CNTLN: variants seen among roughly 807,000 people sequenced by gnomAD.
CNTLN encodes the protein centlein, centrosomal protein.
In CNTLN, 212 loss-of-function variants were observed where a neutral mutation model predicts 180.0. The observed-to-expected ratio is 1.18, with a 90% confidence interval of 1.05 to 1.32. CNTLN has a LOEUF of 1.32. CNTLN is among the 40% of genes most tolerant of loss of function. CNTLN has a pLI of 0.00. For missense variants in CNTLN, 2,095 were observed against 1,610.9 expected (o/e 1.30, Z -5.14); for synonymous variants, 722 against 563.1 (o/e 1.28, Z -3.99).
At chr9:17,295,365 G>A (rs146655771) in intron 6 of CNTLN, among the ~76,000 whole-genome samples, 11 of 152,200 alleles carry the variant, frequency 7.2e-5, no homozygotes, top group Non-Finnish European at 1.0e-4. Context: ...CCACGACTGC[G>A]AGGGCTGCCA....
intron 10 of CNTLN, among the ~76,000 whole-genome samples, chr9:17,338,538 G>A (rs1198265144): frequency 6.6e-6 from 1 of 151,172 alleles, no homozygotes; most frequent in Non-Finnish European, 1.5e-5. Flanking sequence ...CACTAATATT[G>A]TTTTCTAGTT....
intron 18 of CNTLN, among the ~76,000 whole-genome samples, chr9:17,443,949 C>G (rs1289389347): frequency 1.3e-5 from 2 of 152,110 alleles, no homozygotes; most frequent in African/African-American, 4.8e-5. Context: ...CTTTGGTCAA[C>G]AGTGTCAGAT....
intron 5 of CNTLN, among the ~76,000 whole-genome samples, chr9:17,244,765 G>A (rs188559705): frequency 1.3e-5 from 2 of 151,850 alleles, no homozygotes; most frequent in East Asian, 1.9e-4. Context: ...TTTCTCTGGT[G>A]GTATGATTTA....
intron 2 of CNTLN, among the ~76,000 whole-genome samples, chr9:17,169,273 C>G (rs1319703502): frequency 1.3e-5 from 2 of 152,138 alleles, no homozygotes; most frequent in Non-Finnish European, 2.9e-5. Flanking sequence ...GCTGGGGTTA[C>G]AGGTCTGAGC....
intron 10 of CNTLN, among the ~76,000 whole-genome samples, chr9:17,337,872 A>G (rs966276494): frequency 2.0e-5 from 3 of 152,096 alleles, no homozygotes; most frequent in African/African-American, 7.2e-5. Context: ...TTGAGGTTCT[A>G]TTTACTCAGT....
intron 2 of CNTLN, among the ~76,000 whole-genome samples, chr9:17,186,988 G>A (rs1048377427): frequency 6.6e-6 from 1 of 151,968 alleles, no homozygotes; most frequent in Non-Finnish European, 1.5e-5. Context: ...TGTCTCTGAT[G>A]TCTGGATTGT....
At chr9:17,248,609 TA>T (rs894458603) in intron 5 of CNTLN, among the ~76,000 whole-genome samples, 3 of 148,886 alleles carry the variant, frequency 2.0e-5, no homozygotes, top group African/African-American at 7.3e-5. Flanking sequence ...TGTGTCACTA[TA>T]AAAAATCAAC....
At chr9:17,161,604 A>T (rs1335144259) in intron 2 of CNTLN, among the ~76,000 whole-genome samples, 1 of 152,218 alleles carries the variant, frequency 6.6e-6, no homozygotes, top group Non-Finnish European at 1.5e-5. Context: ...CTTAGACACA[A>T]ATTTCATCCT....
At chr9:17,267,191 C>A (rs1399822285) in intron 5 of CNTLN, among the ~76,000 whole-genome samples, 1 of 152,032 alleles carries the variant, frequency 6.6e-6, no homozygotes, top group Non-Finnish European at 1.5e-5. Context: ...TGTTCCTTTC[C>A]ATGTTTAGTG....
chr9:17,215,203 G>T (rs950390390), intron 2 of CNTLN, among the ~76,000 whole-genome samples: 1 of 152,164 alleles, frequency 6.6e-6, no homozygotes, highest in Non-Finnish European at 1.5e-5. Flanking sequence ...TTTGGTCTTT[G>T]ATGATGGTGA....
intron 2 of CNTLN, among the ~76,000 whole-genome samples, chr9:17,161,147 A>G (rs1057302944): frequency 1.3e-5 from 2 of 152,076 alleles, no homozygotes; most frequent in Non-Finnish European, 2.9e-5. Context: ...GTTGAAAGTC[A>G]AATTTTGATT....
chr9:17,367,101 G>A (rs1199130282), intron 13 of CNTLN, among the ~76,000 whole-genome samples: 3 of 152,316 alleles, frequency 2.0e-5, no homozygotes, highest in Middle Eastern at 6.8e-3. Flanking sequence ...AAGAGGGTAG[G>A]AAAGACAGTC....
chr9:17,294,784 G>A (rs1266962263), intron 6 of CNTLN, among the ~76,000 whole-genome samples: 1 of 26,890 alleles, frequency 3.7e-5, no homozygotes, highest in Non-Finnish European at 7.6e-5. Flanking sequence ...GGAGTGAGGG[G>A]AGGGAGGGGG....
intron 2 of CNTLN, among the ~76,000 whole-genome samples, chr9:17,151,005 A>T (rs1163384683): frequency 6.6e-6 from 1 of 152,166 alleles, no homozygotes; most frequent in Non-Finnish European, 1.5e-5. Flanking sequence ...TTGTATCCTG[A>T]GACTTTGCTG....
At chr9:17,432,718 A>G (rs896169279) in intron 18 of CNTLN, among the ~76,000 whole-genome samples, 14 of 152,090 alleles carry the variant, frequency 9.2e-5, no homozygotes, top group African/African-American at 2.9e-4. Context: ...CTGTTAAAAT[A>G]TTTCTTAAAA....
intron 5 of CNTLN, among the ~76,000 whole-genome samples, chr9:17,268,533 C>G (rs1470111435): frequency 6.6e-6 from 1 of 152,140 alleles, no homozygotes; most frequent in East Asian, 1.9e-4. Context: ...GATCTCTAGC[C>G]GCGTGCTGCG....
intron 2 of CNTLN, among the ~76,000 whole-genome samples, chr9:17,157,429 G>T (rs1173447191): frequency 6.6e-6 from 1 of 152,184 alleles, no homozygotes; most frequent in Non-Finnish European, 1.5e-5. Context: ...TGAAGGTAGA[G>T]AAAGGGGGTG....
At chr9:17,317,901 A>G (rs1819635744) in intron 8 of CNTLN, among the ~76,000 whole-genome samples, 1 of 152,040 alleles carries the variant, frequency 6.6e-6, no homozygotes. Context: ...TACTATAAGG[A>G]TATAGATTTT....
In CNTLN at chr9:17,316,036, T is replaced by A. The variant is rs373685099; in HGVS notation, c.1341+6784T>A. Among the ~76,000 whole-genome samples, 39 of 151,864 alleles carry A rather than the reference T, an allele frequency of 2.6e-4. No homozygotes were observed. The East Asian group carries it at 3.8e-3, about 15-fold the overall frequency. On this transcript the variant is annotated intron_variant, in intron 8 of 25. Transcript: ENST00000380647. ...GTTTCCATGCTGATCTTCTGTCTAGTTTTTTTCCCCATCATTATTGTTTAA... is the reference window on the plus strand; with the variant it reads ...GTTTCCATGCTGATCTTCTGTCTAGATTTTTTCCCCATCATTATTGTTTAA...
Sources: allele counts gnomAD v4.1 joint callset (sites outside exome capture counted in the v4.1 genomes callset), GRCh38; gene constraint gnomAD v4.1.1; transcripts MANE v1.5; gene names NCBI Gene and HGNC (gene_info 2026-07-23, HGNC 2026-07-21).